The following ASTN2 variants were observed in gnomAD, a reference collection of about 807,000 sequenced individuals.
The protein encoded by ASTN2 is astrotactin-2.
In ASTN2, 54 loss-of-function variants were observed where a neutral mutation model predicts 139.8. The ratio of observed to expected loss-of-function variants is 0.39; its 90% CI spans 0.31 to 0.48. The LOEUF (loss-of-function observed/expected upper bound fraction) is 0.48, where lower values mean the gene tolerates loss of function less well. ASTN2 is among the 20% of genes least tolerant of loss of function. The pLI is 0.95. For missense variants in ASTN2, 1,565 were observed against 1,725.1 expected (o/e 0.91, Z 1.64); for synonymous variants, 756 against 719.5 (o/e 1.05, Z -0.81).
In ASTN2 at chr9:116,711,059, A is replaced by G. The variant is rs969616410; in HGVS notation, c.2806+14712T>C. Reference sequence around the variant, plus strand: ...AAGAATGAAACTTCCATTAATTGATACACTGGAAGAAAGGCCACATACAAA... The same window carrying G: ...AAGAATGAAACTTCCATTAATTGATGCACTGGAAGAAAGGCCACATACAAA... On this transcript the variant is annotated intron_variant, in intron 16 of 22. Coordinates refer to ENST00000313400, the MANE Select transcript of ASTN2 (RefSeq NM_001365068.1). 2.6e-5 allele frequency among the ~76,000 whole-genome samples: 4 copies of G among 152,328 alleles called. No homozygotes were observed. In the South Asian group the frequency reaches 6.2e-4, roughly 24 times the overall value.
chr9:117,105,387 TA>T (rs1829077763), intron 4 of ASTN2, among the ~76,000 whole-genome samples: 1 of 152,114 alleles, frequency 6.6e-6, no homozygotes, highest in South Asian at 2.1e-4. Context: ...GAGTCTCAGC[TA>T]AGCCCAGCAT....
At chr9:116,921,848 C>A (rs1359670245) in intron 10 of ASTN2, among the ~76,000 whole-genome samples, 5 of 152,240 alleles carry the variant, frequency 3.3e-5, no homozygotes, top group African/African-American at 9.6e-5. Context: ...CCCCCATTAT[C>A]CAATAACCTT....
intron 3 of ASTN2, among the ~76,000 whole-genome samples, chr9:117,178,172 C>G (rs1226720978): frequency 2.0e-5 from 3 of 152,194 alleles, no homozygotes; most frequent in African/African-American, 4.8e-5. Flanking sequence ...TCTACTCCAT[C>G]TTGACCCTTA....
chr9:117,186,516 C>T (rs1486341676), intron 3 of ASTN2, among the ~76,000 whole-genome samples: 1 of 151,956 alleles, frequency 6.6e-6, no homozygotes, highest in East Asian at 1.9e-4. Context: ...CACTGCACTC[C>T]AGCCTGGGCA....
At chr9:116,428,901 T>C (rs1847400765) in intron 22 of ASTN2, among the ~76,000 whole-genome samples, 1 of 152,180 alleles carries the variant, frequency 6.6e-6, no homozygotes. Context: ...CAATAAATGT[T>C]ATCTATGATT....
intron 16 of ASTN2, among the ~76,000 whole-genome samples, chr9:116,722,778 C>T (rs576155812): frequency 9.2e-5 from 14 of 152,242 alleles, no homozygotes; most frequent in African/African-American, 2.6e-4. Flanking sequence ...ACCTACTCTA[C>T]CGAGTTTGAC....
In ASTN2 at chr9:116,976,181, G is replaced by A. The variant is rs578240181; in HGVS notation, c.1684C>T (p.Pro562Ser). The change falls in exon 9 of 23, where the codon CCC becomes TCC. Residue 562 changes from proline (P) to serine (S), a missense_variant. By Grantham distance (74) the Pro-to-Ser change is moderately conservative. Transcript: ENST00000313400. ...SDWGQSEGPW[P>S]YTTLERGYDL... is the part of the protein sequence containing the mutation. ...TAGCCCCTCTCAAGTGTCGTGTAGG[G>A]CCAAGGTCTATGGGAAGAAGGAGAG... 184 of 1,614,022 alleles carry A rather than the reference G, an allele frequency of 1.1e-4. No individual in the cohort carries two copies. Among genetic ancestry groups the A allele is most frequent in the Admixed American group, 2.2e-4 (13 of 60,004 alleles).
chr9:116,524,886 G>A (rs1411756469), intron 19 of ASTN2, among the ~76,000 whole-genome samples: 1 of 152,120 alleles, frequency 6.6e-6, no homozygotes, highest in East Asian at 1.9e-4. Flanking sequence ...AAATTCATAA[G>A]CTCCAACAAA....
intron 22 of ASTN2, among the ~76,000 whole-genome samples, chr9:116,431,521 A>C (rs1481234933): frequency 6.6e-6 from 1 of 152,200 alleles, no homozygotes; most frequent in Non-Finnish European, 1.5e-5. Flanking sequence ...TTGCAGCCAG[A>C]TCATGATACT....
At chr9:116,454,403 G>T (rs79320858) in intron 20 of ASTN2, among the ~76,000 whole-genome samples, 12 of 151,716 alleles carry the variant, frequency 7.9e-5, no homozygotes, top group African/African-American at 2.7e-4. Flanking sequence ...AAAAAAAAAA[G>T]CATCCAGATA....
chr9:117,409,600 C>T (rs1007567492), intron 1 of ASTN2, among the ~76,000 whole-genome samples: 2 of 152,180 alleles, frequency 1.3e-5, no homozygotes, highest in African/African-American at 4.8e-5. Flanking sequence ...GAATCAGACA[C>T]CCTCCCCTTC....
chr9:117,176,778 T>G (rs1211107072), intron 3 of ASTN2, among the ~76,000 whole-genome samples: 1 of 152,084 alleles, frequency 6.6e-6, no homozygotes, highest in African/African-American at 2.4e-5. Context: ...AAAAAATTGT[T>G]TTAATTAGCT....
chr9:116,632,236 A>AGAAAGAAG lies in ASTN2; in HGVS notation c.3073-11794_3073-11793insCTTCTTTC, dbSNP rs1564169255. Among the ~76,000 whole-genome samples, 497 of 129,544 alleles carry AGAAAGAAG rather than the reference A, an allele frequency of 3.8e-3. 4 individuals are homozygous for AGAAAGAAG. The highest frequency in any genetic ancestry group is 5.9e-3 in the African/African-American group (169 of 28,882). The allele number at this position is 129,544 out of a possible 152,430, so 85.0% of individuals were successfully genotyped here. ...AAGAAAGAAAGAAAGAAAGAAAGAAAGAAAGAAAGAAAGAAGGAAAGAAAG... is the reference window on the plus strand; with the variant it reads ...AAGAAAGAAAGAAAGAAAGAAAGAAAGAAAGAAGGAAAGAAAGAAAGAAGGAAAGAAAG... On this transcript the variant is annotated intron_variant, in intron 17 of 22. Transcript: ENST00000313400.
intron 19 of ASTN2, among the ~76,000 whole-genome samples, chr9:116,517,268 C>G (rs928835972): frequency 2.0e-5 from 3 of 152,228 alleles, no homozygotes; most frequent in Admixed American, 6.5e-5. Flanking sequence ...ACTTCACTAC[C>G]CTGCTACCTC....
chr9:116,731,396 C>G (rs1264258200), intron 14 of ASTN2, among the ~76,000 whole-genome samples: 3 of 151,806 alleles, frequency 2.0e-5, no homozygotes, highest in African/African-American at 7.3e-5. Context: ...TTATCATACC[C>G]TATTTTTTTG....
intron 13 of ASTN2, among the ~76,000 whole-genome samples, chr9:116,760,948 C>A (rs908557495): frequency 1.3e-5 from 2 of 152,176 alleles, no homozygotes; most frequent in Admixed American, 6.5e-5. Flanking sequence ...GGTGGGGAAA[C>A]GCAGCTTCTC....
At chr9:117,347,568 A>T (rs567858647) in intron 1 of ASTN2, among the ~76,000 whole-genome samples, 2 of 152,310 alleles carry the variant, frequency 1.3e-5, no homozygotes, top group Admixed American at 1.3e-4. Flanking sequence ...GCTAGCTAGT[A>T]AGGCCTTCTG....
intron 20 of ASTN2, among the ~76,000 whole-genome samples, chr9:116,486,133 A>G (rs1348099457): frequency 6.6e-6 from 1 of 152,228 alleles, no homozygotes; most frequent in Non-Finnish European, 1.5e-5. Context: ...AAAGTCACAT[A>G]ACTAAAAATG....
intron 16 of ASTN2, among the ~76,000 whole-genome samples, chr9:116,677,492 T>C (rs544241493): frequency 7.8e-4 from 119 of 152,294 alleles, no homozygotes; most frequent in Non-Finnish European, 1.2e-3. Flanking sequence ...AGGTAGGAAA[T>C]ATACTTTAAG....
Sources: allele counts gnomAD v4.1 joint callset (sites outside exome capture counted in the v4.1 genomes callset), GRCh38; gene constraint gnomAD v4.1.1; transcripts MANE v1.5; gene names NCBI Gene and HGNC (gene_info 2026-07-23, HGNC 2026-07-21).